Variants in GNAS observed in about 807,000 individuals in gnomAD.
GNAS encodes the protein protein ALEX.
GNAS carries 8 observed loss-of-function variants against 54.5 expected under a neutral mutation model. That is an observed-to-expected ratio of 0.15 (90% CI 0.09 to 0.26). GNAS has a LOEUF of 0.26. Ranked by LOEUF, GNAS falls within the 10% of genes least tolerant of loss-of-function variation. The pLI is 1.00. For synonymous variants in GNAS, 204 were observed against 191.4 expected, an observed-to-expected ratio of 1.07 and a Z score of -0.54; for missense variants, 170 against 529.8, an observed-to-expected ratio of 0.32 and a Z score of 6.67.
chr20:58,903,731 C>T lies in GNAS; in HGVS notation c.372C>T (p.Asn124=). 1 of 1,613,742 alleles carries T rather than the reference C, an allele frequency of 6.2e-7. No individual in the cohort carries two copies. The highest frequency in any genetic ancestry group is 8.5e-7 in the Non-Finnish European group (1 of 1,179,688). ...CCGTGGAGCTGGCCAACCCCGAGAA[C>T]CAGTTCAGAGTGGACTACATCCTGA... ...VPPVELANPE[N]QFRVDYILSV... Residue 124 remains asparagine (N), a synonymous_variant, in exon 5 of 13, where the codon AAC becomes AAT. Transcript: ENST00000371085.
Position 58,909,818 on chromosome 20 carries a change from C to A in GNAS, c.839+14C>A. The A allele has an allele frequency of 6.2e-7, 1 of 1,612,964 alleles. No individual in the cohort carries two copies. Among genetic ancestry groups the A allele is most frequent in the East Asian group, 2.2e-5 (1 of 44,882 alleles). On this transcript the variant is annotated intron_variant, in intron 10 of 12. Transcript: ENST00000371085. The surrounding 1 kb of genome is among the most constrained non-coding windows in gnomAD (Gnocchi z 7.3). ...CTGGAACAACAGGTTTGTGGAGTGACCGCCCACCCCCTGCGCTTGCCCAGG... is the reference window on the plus strand; with the variant it reads ...CTGGAACAACAGGTTTGTGGAGTGAACGCCCACCCCCTGCGCTTGCCCAGG...
At position 58,893,066 on chromosome 20, in the gene GNAS, C is replaced by CTTTTTTTTTTTT. The variant is rs869179421; in HGVS notation, c.139+1213_139+1224dup. Among the ~76,000 whole-genome samples, 25 of 103,092 alleles carry CTTTTTTTTTTTT rather than the reference C, an allele frequency of 2.4e-4. 2 individuals are homozygous for CTTTTTTTTTTTT. Among genetic ancestry groups the CTTTTTTTTTTTT allele is most frequent in the Non-Finnish European group, 3.4e-4 (18 of 53,526 alleles). 67.6% of individuals were successfully genotyped at this position (103,092 alleles called of 152,430 possible). A position where few individuals can be genotyped will look rare whatever the true frequency, so the allele number is the denominator to read the frequency against. ...TCTTGGTCTGGAAATGGCGTGGTTT[C>CTTTTTTTTTTTT]TTTTTTTTTTTTTTTTTTTTTTTGT... On this transcript the variant is annotated intron_variant, in intron 1 of 12. Transcript: ENST00000371085.
chr20:58,853,219 C>G lies in GNAS; in HGVS notation c.43+12333C>G. ...TTTCACCCTAGTTCGGTTGGGTGCT[C>G]CATCTTACGGAGCCCCAAACTTATT... On this transcript the variant is annotated intron_variant, in intron 1 of 12. Coordinates refer to the GNAS transcript ENST00000306090. The surrounding 1 kb of genome is among the most constrained non-coding windows in gnomAD (Gnocchi z 4.4). 1 of 1,492,168 alleles carries G rather than the reference C, an allele frequency of 6.7e-7. No homozygotes were observed. The highest frequency in any genetic ancestry group is 1.3e-5 in the South Asian group (1 of 76,730). The allele number at this position is 1,492,168 out of a possible 1,614,324, so 92.4% of individuals were successfully genotyped here.
intron 3 of GNAS, chr20:58,900,085 A>C (rs2146102391): frequency 1.6e-4 from 83 of 522,412 alleles, no homozygotes; most frequent in East Asian, 4.3e-4. Context: ...GGGAGGGGGG[A>C]TGGGGCCCCT....
intron 1 of GNAS, among the ~76,000 whole-genome samples, chr20:58,892,875 C>CCCCA (rs1374699382): frequency 8.7e-6 from 1 of 115,590 alleles, no homozygotes; most frequent in Non-Finnish European, 1.7e-5. Flanking sequence ...CAGCTGCCCC[C>CCCCA]CCCACCCACC....
At position 58,841,692 on chromosome 20, in the gene GNAS, G is replaced by T. The variant is rs1288075595; in HGVS notation, c.43+806G>T. On this transcript the variant is annotated intron_variant, in intron 1 of 12. Transcript: ENST00000306090. This position sits in a 1 kb window ranked among gnomAD's most constrained non-coding sequence, Gnocchi z 5.0. Reference sequence around the variant, plus strand: ...CTGGGGGAAAGGTAGAGGAGGTAAGGGGACCCTTGGGGATGCCCCTACGGG... The same window carrying T: ...CTGGGGGAAAGGTAGAGGAGGTAAGTGGACCCTTGGGGATGCCCCTACGGG... 3.3e-6 allele frequency: 4 copies of T among 1,200,226 alleles called. No individual in the cohort carries two copies. In the East Asian group the frequency reaches 1.4e-4, roughly 41 times the overall value. 74.3% of individuals were successfully genotyped at this position (1,200,226 alleles called of 1,614,324 possible).
Position 58,853,304 on chromosome 20 carries a change from AG to A in GNAS, c.43+12420del. 4 of 1,550,286 alleles carry A rather than the reference AG, an allele frequency of 2.6e-6. No homozygotes were observed. The highest frequency in any genetic ancestry group is 3.5e-6 in the Non-Finnish European group (4 of 1,146,732). On this transcript the variant is annotated intron_variant, in intron 1 of 12. Coordinates refer to the GNAS transcript ENST00000306090. This position sits in a 1 kb window ranked among gnomAD's most constrained non-coding sequence, Gnocchi z 4.4. ...ACTGCCTCTACGGCAATAATATGTC[AG>A]GACAACGCGATATCCCCCCTGAAAT...
intron 1 of GNAS, among the ~76,000 whole-genome samples, chr20:58,861,879 A>ATTT (rs921861800): frequency 6.6e-6 from 1 of 150,944 alleles, no homozygotes; most frequent in African/African-American, 2.4e-5. Flanking sequence ...CTAATTTTGT[A>ATTT]TTTTTTGTAG....
At chr20:58,868,850 G>A (rs1030992569) in intron 1 of GNAS, among the ~76,000 whole-genome samples, 1 of 152,124 alleles carries the variant, frequency 6.6e-6, no homozygotes, top group Non-Finnish European at 1.5e-5. Context: ...CTGGGAAGTG[G>A]AAACAATGAA....
intron 1 of GNAS, among the ~76,000 whole-genome samples, chr20:58,892,875 C>A (rs973594203): frequency 2.6e-5 from 3 of 115,590 alleles, no homozygotes; most frequent in Admixed American, 9.6e-5. Flanking sequence ...CAGCTGCCCC[C>A]CCCACCCACC....
rs1211563727 is a variant in GNAS, at chr20:58,856,134, C to T, written c.43+15248C>T. On this transcript the variant is annotated intron_variant, in intron 1 of 12. Transcript: ENST00000306090. This position sits in a 1 kb window ranked among gnomAD's most constrained non-coding sequence, Gnocchi z 4.2. ...TTCTGTATGTCTTTCTCTCTTTTTC[C>T]TTTTGCGCTAAGCGTTTCCTCACTT... is the stretch of plus-strand genomic sequence containing the variant. 1 of 162,138 alleles carries T rather than the reference C, an allele frequency of 6.2e-6. No individual in the cohort carries two copies. Among genetic ancestry groups the T allele is most frequent in the African/African-American group, 2.4e-5 (1 of 41,566 alleles). 10.0% of individuals were successfully genotyped at this position (162,138 alleles called of 1,614,324 possible).
chr20:58,900,556 G>C (rs1601086644), intron 3 of GNAS: 3 of 179,926 alleles, frequency 1.7e-5, no homozygotes, highest in Non-Finnish European at 3.6e-5. Flanking sequence ...CTTAAAAACT[G>C]AACGCATCCC....
At position 58,891,880 on chromosome 20, in the gene GNAS, G is replaced by C; in HGVS notation, c.139+15G>C. ...GCTGCTGCTGGGTAAGGGCGGGCGG[G>C]GGGCGCCGGCCCCGGCCCGGGGGCC... On this transcript the variant is annotated intron_variant, in intron 1 of 12. Coordinates refer to ENST00000371085, the MANE Select transcript of GNAS (RefSeq NM_000516.7). 1 of 1,159,714 alleles carries C rather than the reference G, an allele frequency of 8.6e-7. No individual in the cohort carries two copies. The highest frequency in any genetic ancestry group is 1.1e-6 in the Non-Finnish European group (1 of 909,498). The allele number at this position is 1,159,714 out of a possible 1,614,324, so 71.8% of individuals were successfully genotyped here.
intron 1 of GNAS, among the ~76,000 whole-genome samples, chr20:58,878,108 G>C (rs548215965): frequency 1.3e-5 from 2 of 152,332 alleles, no homozygotes; most frequent in South Asian, 2.1e-4. Context: ...GCTGTGTTGA[G>C]AGCCTCTGGT....
Position 58,841,480 on chromosome 20 carries a change from G to T in GNAS, c.43+594G>T, listed in dbSNP as rs2085725801. On this transcript the variant is annotated intron_variant, in intron 1 of 12. Coordinates refer to the GNAS transcript ENST00000306090. The surrounding 1 kb of genome is among the most constrained non-coding windows in gnomAD (Gnocchi z 5.0). ...TAAGCAGCTCAGAGCCGGAGCCCAG[G>T]TCCCAGAGCTGACAATTAAGCCGCG... 1.0e-6 allele frequency: 1 copy of T among 991,010 alleles called. No homozygotes were observed. Among genetic ancestry groups the T allele is most frequent in the Non-Finnish European group, 1.2e-6 (1 of 833,996 alleles). 61.4% of individuals were successfully genotyped at this position (991,010 alleles called of 1,614,324 possible).
Position 58,853,066 on chromosome 20 carries a change from T to C in GNAS, c.43+12180T>C, listed in dbSNP as rs1017998215. ...GGAGCCAAGACTCCACCAGCAACAA[T>C]TGAGTTGCTTCAGCCTCAGTCTAGG... On this transcript the variant is annotated intron_variant, in intron 1 of 12. Coordinates refer to the GNAS transcript ENST00000306090. This position sits in a 1 kb window ranked among gnomAD's most constrained non-coding sequence, Gnocchi z 4.4. 4.9e-5 allele frequency: 67 copies of C among 1,377,812 alleles called. No homozygotes were observed. The highest frequency in any genetic ancestry group is 3.7e-4 in the South Asian group (21 of 56,178). The allele number at this position is 1,377,812 out of a possible 1,614,324, so 85.3% of individuals were successfully genotyped here.
chr20:58,854,362 A>G, intron 1 of GNAS: 1 of 1,577,452 alleles, frequency 6.3e-7, no homozygotes, highest in Non-Finnish European at 8.6e-7. Context: ...GGAGCCGCTG[A>G]TGCCGCGGAG....
chr20:58,889,697 TAGGCAGCCAGCCCAGCAGCCCGAAGCCC>T (rs1036785924), upstream of GNAS: 1 of 151,470 alleles, frequency 6.6e-6, no homozygotes, highest in African/African-American at 2.4e-5. Context: ...CGCTAACTCT[TAGGCAGCCAGCCCAGCAGCCCGAAGCCC>T]GGGCAGCCGC....
Position 58,910,143 on chromosome 20 carries a change from G to T in GNAS, c.970+62G>T. The T allele has an allele frequency of 2.6e-6, 4 of 1,559,044 alleles. No homozygotes were observed. The highest frequency in any genetic ancestry group is 2.7e-6 in the Non-Finnish European group (3 of 1,130,368). ...CGGTGGTTCTTTTTCAAACGGTCAGGCTGAAAACCCCCATCCCCCTCCCAC... is the reference window on the plus strand; with the variant it reads ...CGGTGGTTCTTTTTCAAACGGTCAGTCTGAAAACCCCCATCCCCCTCCCAC... On this transcript the variant is annotated intron_variant, in intron 11 of 12. Coordinates refer to ENST00000371085, the MANE Select transcript of GNAS (RefSeq NM_000516.7). The surrounding 1 kb of genome is among the most constrained non-coding windows in gnomAD (Gnocchi z 5.8).
Sources: gnomAD v4.1 joint callset for allele counts (sites outside exome capture counted in the v4.1 genomes callset) on GRCh38, gnomAD v4.1.1 for gene constraint, Gnocchi (gnomAD v3.1) non-coding constraint, MANE v1.5 for transcripts, NCBI Gene and HGNC (gene_info 2026-07-23, HGNC 2026-07-21) for gene names.